Variants in AFF1 observed in about 807,000 individuals in gnomAD.
AFF1 encodes AF4/FMR2 family member 1.
AFF1 carries 48 observed loss-of-function variants against 121.7 expected under a neutral mutation model. That is an observed-to-expected ratio of 0.39 (90% CI 0.31 to 0.50). The LOEUF is 0.50. Among genes scored for constraint, AFF1 ranks in the 20% least tolerant of loss-of-function variants. The pLI is 0.76. For synonymous variants in AFF1, 613 were observed against 563.0 expected, an observed-to-expected ratio of 1.09 and a Z score of -1.26; for missense variants, 1,523 against 1,511.7, an observed-to-expected ratio of 1.01 and a Z score of -0.12.
chr4:86,985,924 G>T (rs985483850), intron 2 of AFF1, among the ~76,000 whole-genome samples: 2 of 83,572 alleles, frequency 2.4e-5, no homozygotes, highest in African/African-American at 5.5e-5. Context: ...AATAAGCAAA[G>T]ATTACCACTA....
intron 4 of AFF1, among the ~76,000 whole-genome samples, chr4:87,064,256 G>A (rs1173985498): frequency 6.6e-6 from 1 of 152,200 alleles, no homozygotes; most frequent in Non-Finnish European, 1.5e-5. Context: ...CACAAATTTA[G>A]TAAGGAAAGG....
chr4:87,084,051 G>A (rs236996), intron 4 of AFF1, 69 bp from the exon 5 acceptor site: 573,830 of 1,396,194 alleles, frequency 0.41, 120,253 homozygotes, highest in African/African-American at 0.51. Context: ...CATTAATACA[G>A]TCATCCACCA....
intron 2 of AFF1, among the ~76,000 whole-genome samples, chr4:86,952,837 C>T (rs961168234): frequency 3.3e-5 from 5 of 151,402 alleles, no homozygotes; most frequent in African/African-American, 4.9e-5. Context: ...CCCACCACCA[C>T]GCCCGGCTAC....
intron 2 of AFF1, among the ~76,000 whole-genome samples, chr4:86,989,182 CA>C (rs1724514104): frequency 6.6e-6 from 1 of 152,120 alleles, no homozygotes; most frequent in South Asian, 2.1e-4. Context: ...CCAAAATTGA[CA>C]AATAGGATGT....
chr4:86,994,738 G>A (rs1291880315), intron 2 of AFF1, among the ~76,000 whole-genome samples: 3 of 152,204 alleles, frequency 2.0e-5, no homozygotes, highest in African/African-American at 7.2e-5. Flanking sequence ...TTAGAGTTTA[G>A]ATAATGGTAA....
intron 2 of AFF1, among the ~76,000 whole-genome samples, chr4:86,993,422 C>T (rs1449118103): frequency 2.0e-5 from 3 of 150,698 alleles, no homozygotes; most frequent in African/African-American, 7.5e-5. Flanking sequence ...TCTTCCAGTT[C>T]TTAAATCCTT....
chr4:87,004,554 CAGGT>C (rs1335586459), intron 2 of AFF1, among the ~76,000 whole-genome samples: 1 of 152,200 alleles, frequency 6.6e-6, no homozygotes, highest in African/African-American at 2.4e-5. Context: ...GATTCTCATA[CAGGT>C]TATCCAAAAT....
At chr4:87,096,903 TC>T (rs1439878696) in intron 8 of AFF1, among the ~76,000 whole-genome samples, 1 of 152,068 alleles carries the variant, frequency 6.6e-6, no homozygotes, top group Non-Finnish European at 1.5e-5. Context: ...CCACCACACT[TC>T]CTTTATGTTT....
intron 2 of AFF1, among the ~76,000 whole-genome samples, chr4:87,007,799 G>A (rs1398741946): frequency 6.6e-6 from 1 of 152,094 alleles, no homozygotes; most frequent in African/African-American, 2.4e-5. Flanking sequence ...CTGTTGTCTC[G>A]AGGGGAAGTT....
intron 16 of AFF1, 132 bp from the exon 17 acceptor site, chr4:87,130,951 A>T: frequency 1.6e-6 from 2 of 1,232,286 alleles, no homozygotes; most frequent in Non-Finnish European, 2.3e-6. Flanking sequence ...TTTTTAGTTC[A>T]TTCATCCTCA....
intron 2 of AFF1, among the ~76,000 whole-genome samples, chr4:87,031,780 A>ATTAG (rs1315385704): frequency 1.3e-5 from 2 of 152,306 alleles, no homozygotes; most frequent in African/African-American, 4.8e-5. Context: ...CAGTGGATAT[A>ATTAG]TTAGTGTCTG....
chr4:87,001,880 C>T (rs1725752922), intron 2 of AFF1, among the ~76,000 whole-genome samples: 1 of 152,194 alleles, frequency 6.6e-6, no homozygotes, highest in Non-Finnish European at 1.5e-5. Context: ...CAACCTTGAG[C>T]ACCCTTCTCT....
intron 10 of AFF1, 30 bp from the exon 11 acceptor site, chr4:87,108,129 T>C (rs1460844240): frequency 6.2e-7 from 1 of 1,609,094 alleles, no homozygotes; most frequent in East Asian, 2.2e-5. Context: ...GTATCGTGCC[T>C]TCTAATTTTA....
intron 2 of AFF1, among the ~76,000 whole-genome samples, chr4:87,037,209 T>G (rs963088135): frequency 2.0e-5 from 3 of 152,232 alleles, no homozygotes; most frequent in Non-Finnish European, 2.9e-5. Context: ...AAATAATAGA[T>G]GCTTTCTCAT....
rs146439567 is a variant in AFF1 at position 87,075,143 on chromosome 4, T to A, written c.1060-8977T>A. ...AAAGAAACAATAAGTTTTCTAATTATTCATATTAATCTTTAAAGAACTGCT... is the reference window on the plus strand; with the variant it reads ...AAAGAAACAATAAGTTTTCTAATTAATCATATTAATCTTTAAAGAACTGCT... On this transcript the variant is annotated intron_variant, in intron 4 of 20. Transcript: ENST00000395146. Among the ~76,000 whole-genome samples, 11 of 152,318 alleles carry A rather than the reference T, an allele frequency of 7.2e-5. No individual in the cohort carries two copies. In the East Asian group the frequency reaches 1.9e-3, roughly 27 times the overall value.
At chr4:87,098,772 T>C (rs1725128743) in intron 8 of AFF1, among the ~76,000 whole-genome samples, 3 of 152,168 alleles carry the variant, frequency 2.0e-5, no homozygotes, top group African/African-American at 4.8e-5. Context: ...TTATTACTTA[T>C]GTGGAAGGTT....
intron 2 of AFF1, among the ~76,000 whole-genome samples, chr4:86,984,939 A>C (rs1241275712): frequency 6.6e-6 from 1 of 151,646 alleles, no homozygotes; most frequent in Admixed American, 6.6e-5. Context: ...AAAATAAAAA[A>C]GACAAATCTT....
chr4:86,967,220 G>T (rs565133270), intron 2 of AFF1, among the ~76,000 whole-genome samples: 1 of 152,328 alleles, frequency 6.6e-6, no homozygotes, highest in South Asian at 2.1e-4. Flanking sequence ...GCAGAACACT[G>T]ATGTATGTTT....
At chr4:87,094,807 A>C (rs137896428) in intron 7 of AFF1, 108 bp from the exon 8 acceptor site, 1 of 935,796 alleles carries the variant, frequency 1.1e-6, no homozygotes, top group African/African-American at 1.6e-5. Context: ...GATTGTACCA[A>C]GTGCAGTGTG....
Sources: gnomAD v4.1 joint callset for allele counts (sites outside exome capture counted in the v4.1 genomes callset) on GRCh38, gnomAD v4.1.1 for gene constraint, MANE v1.5 for transcripts, NCBI Gene and HGNC (gene_info 2026-07-23, HGNC 2026-07-21) for gene names.